The following NOL4L variants were observed in gnomAD, a reference collection of about 807,000 sequenced individuals.
NOL4L encodes nucleolar protein 4 like, also known as nucleolar protein 4-like.
Under a neutral mutation model 64.5 loss-of-function variants are expected in NOL4L, and 7 were observed. The ratio of observed to expected loss-of-function variants is 0.11; its 90% CI spans 0.06 to 0.20. The LOEUF is 0.20. Ranked by LOEUF, NOL4L falls within the 10% of genes least tolerant of loss-of-function variation. NOL4L has a pLI of 1.00. For synonymous variants in NOL4L, 413 were observed against 401.0 expected (o/e 1.03, Z -0.36); for missense variants, 680 against 967.1 (o/e 0.70, Z 3.94).
intron 4 of NOL4L, among the ~76,000 whole-genome samples, chr20:32,488,713 T>C (rs1263461966): frequency 6.6e-6 from 1 of 152,152 alleles, no homozygotes; most frequent in Non-Finnish European, 1.5e-5. Context: ...GGGGCACTTG[T>C]ATTTCTTTTT....
intron 3 of NOL4L, among the ~76,000 whole-genome samples, chr20:32,518,446 C>T (rs756243967): frequency 1.3e-5 from 2 of 152,240 alleles, no homozygotes; most frequent in Non-Finnish European, 2.9e-5. Context: ...ACACAGAAGC[C>T]CACAGATGAG....
chr20:32,567,891 CCAT>C (rs907834968), intron 1 of NOL4L, among the ~76,000 whole-genome samples: 29 of 151,792 alleles, frequency 1.9e-4, no homozygotes, highest in Middle Eastern at 3.4e-3. Flanking sequence ...ACCACCACCA[CCAT>C]CATCTTCATC....
intron 10 of NOL4L, among the ~76,000 whole-genome samples, chr20:32,451,349 G>A (rs1282446229): frequency 6.6e-6 from 1 of 152,176 alleles, no homozygotes; most frequent in African/African-American, 2.4e-5. Flanking sequence ...CCTAGCAGGG[G>A]CTCCTCCTGC....
At chr20:32,543,651 G>A (rs1285281560) in intron 1 of NOL4L, among the ~76,000 whole-genome samples, 2 of 152,006 alleles carry the variant, frequency 1.3e-5, no homozygotes, top group East Asian at 1.9e-4. Flanking sequence ...TTAACTGGGT[G>A]TGGTGGTGCA....
chr20:32,578,065 G>A (rs547580573), intron 1 of NOL4L, among the ~76,000 whole-genome samples: 17 of 148,602 alleles, frequency 1.1e-4, no homozygotes, highest in East Asian at 4.1e-4. Flanking sequence ...CATGGGAGGC[G>A]GAGGTTGCAG....
At chr20:32,455,031 G>T (rs953881326) in intron 6 of NOL4L, among the ~76,000 whole-genome samples, 1 of 152,202 alleles carries the variant, frequency 6.6e-6, no homozygotes, top group Non-Finnish European at 1.5e-5. Context: ...GATGCCGAGG[G>T]CCCCCGCTGG....
intron 1 of NOL4L, among the ~76,000 whole-genome samples, chr20:32,556,083 G>A (rs940618539): frequency 5.9e-5 from 9 of 152,234 alleles, no homozygotes; most frequent in Admixed American, 5.2e-4. Context: ...TCTCTGCACA[G>A]TGCCAGGTGC....
At chr20:32,474,495 C>A (rs2015249649) in intron 5 of NOL4L, 106 bp downstream of exon 5, 4 of 1,386,170 alleles carry the variant, frequency 2.9e-6, no homozygotes, top group Non-Finnish European at 3.8e-6. Context: ...AAGGCCTTGG[C>A]CCAGATTCCG....
At chr20:32,481,465 C>T (rs968109717) in intron 4 of NOL4L, among the ~76,000 whole-genome samples, 3 of 152,154 alleles carry the variant, frequency 2.0e-5, no homozygotes, top group African/African-American at 4.8e-5. Flanking sequence ...AATTCCCAGG[C>T]GGTCCAGCTC....
chr20:32,511,516 T>A (rs1056626352), intron 3 of NOL4L, 60 bp from the exon 4 acceptor site: 3 of 1,208,828 alleles, frequency 2.5e-6, no homozygotes, highest in African/African-American at 3.0e-5. Context: ...GTTGCCCACA[T>A]GGAGCATTTA....
intron 5 of NOL4L, among the ~76,000 whole-genome samples, chr20:32,461,150 G>T (rs572429964): frequency 6.6e-6 from 1 of 152,202 alleles, no homozygotes; most frequent in Non-Finnish European, 1.5e-5. Flanking sequence ...ATTTGATGCC[G>T]GCTGCAGCCG....
intron 1 of NOL4L, among the ~76,000 whole-genome samples, chr20:32,576,337 A>G (rs1980101586): frequency 6.6e-6 from 1 of 152,036 alleles, no homozygotes; most frequent in Non-Finnish European, 1.5e-5. Context: ...GTAGAATTTG[A>G]GATGTGCTTT....
intron 4 of NOL4L, among the ~76,000 whole-genome samples, chr20:32,502,265 C>T (rs1453062437): frequency 6.6e-6 from 1 of 152,128 alleles, no homozygotes; most frequent in Non-Finnish European, 1.5e-5. Flanking sequence ...GAGGCTGGGG[C>T]AGGGTCTGCT....
chr20:32,584,137 A>G (rs1452094356), intron 1 of NOL4L, among the ~76,000 whole-genome samples: 41 of 106,194 alleles, frequency 3.9e-4, no homozygotes, highest in Non-Finnish European at 4.6e-4. Context: ...GCGCGCGCAC[A>G]CACACACACA....
At chr20:32,548,587 C>A (rs935522200) in intron 1 of NOL4L, 1 of 248,624 alleles carries the variant, frequency 4.0e-6, no homozygotes. Context: ...ACTGAATGCT[C>A]AATATACAGT....
chr20:32,570,566 T>G (rs1979696175), intron 1 of NOL4L, among the ~76,000 whole-genome samples: 1 of 152,056 alleles, frequency 6.6e-6, no homozygotes, highest in South Asian at 2.1e-4. Context: ...AGGGATTGAG[T>G]TCCCAAACCA....
At chr20:32,505,651 GGC>G (rs1219471075) in intron 4 of NOL4L, among the ~76,000 whole-genome samples, 4 of 152,240 alleles carry the variant, frequency 2.6e-5, no homozygotes, top group African/African-American at 9.6e-5. Context: ...GGGAGGGCAA[GGC>G]TGCAGTGAAC....
chr20:32,535,913 T>TGGGC, intron 1 of NOL4L: 2 of 985,358 alleles, frequency 2.0e-6, no homozygotes, highest in Non-Finnish European at 2.4e-6. Context: ...CAGGCCAGGG[T>TGGGC]CTGGGCCTGG....
intron 1 of NOL4L, among the ~76,000 whole-genome samples, chr20:32,545,706 G>A (rs867656584): frequency 6.6e-6 from 1 of 152,292 alleles, no homozygotes; most frequent in Middle Eastern, 3.4e-3. Flanking sequence ...AGCAAGTTCT[G>A]TTGGCTCCAC....
Sources: allele counts gnomAD v4.1 joint callset (sites outside exome capture counted in the v4.1 genomes callset), GRCh38; gene constraint gnomAD v4.1.1; transcripts MANE v1.5; gene names NCBI Gene and HGNC (gene_info 2026-07-23, HGNC 2026-07-21).